Variants in CHD1L observed in about 807,000 individuals in gnomAD.
CHD1L encodes ATP-dependent chromatin remodeler CHD1L.
A neutral mutation model predicts 115.9 loss-of-function variants in CHD1L; 118 were observed. The observed-to-expected ratio is 1.02, with a 90% CI of 0.88 to 1.19. The LOEUF (loss-of-function observed/expected upper bound fraction) is 1.19. CHD1L is among the 50% of genes most tolerant of loss of function. CHD1L has a pLI of 0.00. For missense variants in CHD1L, 1,179 were observed against 1,065.3 expected (o/e 1.11, Z -1.49); for synonymous variants, 411 against 387.1 (o/e 1.06, Z -0.72).
chr1:147,241,158 T>C (rs1356718267), upstream of CHD1L, among the ~76,000 whole-genome samples: 3 of 152,210 alleles, frequency 2.0e-5, no homozygotes, highest in Non-Finnish European at 4.4e-5. Context: ...CATAGAGTGC[T>C]TGGCACATAG....
the CHD1L span, chr1:147,184,679 T>G: frequency 6.9e-7 from 1 of 1,443,734 alleles, no homozygotes; most frequent in African/African-American, 1.4e-5. This position sits in a 1 kb window ranked among gnomAD's most constrained non-coding sequence, Gnocchi z 4.4. Flanking sequence ...AAAGTGGCCT[T>G]CTCATCACTT....
chr1:147,280,788 C>T lies in CHD1L; in HGVS notation c.1705+597C>T, dbSNP rs114653427. 3.0e-3 allele frequency among the ~76,000 whole-genome samples: 455 copies of T among 152,272 alleles called. 4 individuals carry two copies. The highest frequency in any genetic ancestry group is 0.01 in the African/African-American group (434 of 41,550). ...ATTTCCGATTTGAAGTAATTTTTCA[C>T]ATGGTAGCTTTGTAAAGGTATTCCC... is the stretch of plus-strand genomic sequence containing the variant. On this transcript the variant is annotated intron_variant, in intron 15 of 22. Coordinates refer to ENST00000369258, the MANE Select transcript of CHD1L (RefSeq NM_004284.6).
chr1:147,266,054 A>G lies in CHD1L; in HGVS notation c.862A>G (p.Lys288Glu). The G allele has an allele frequency of 6.2e-7, 1 of 1,613,486 alleles. No individual in the cohort carries two copies. The highest frequency in any genetic ancestry group is 8.5e-7 in the Non-Finnish European group (1 of 1,179,676). ...CCATGGCATGTCAGCATTGCAGAAG[A>G]AATACTACAAGGCCATTTTGATGAA... is the stretch of plus-strand genomic sequence containing the variant. ...IYHGMSALQKKYYKAILMKDL... is the reference protein window; with the variant it reads ...IYHGMSALQKEYYKAILMKDL... Residue 288 changes from lysine (K) to glutamate (E), a missense_variant, in exon 8 of 23, where the codon AAA (lysine) becomes GAA (glutamate). Coordinates refer to ENST00000369258, the MANE Select transcript of CHD1L (RefSeq NM_004284.6).
intron 15 of CHD1L, among the ~76,000 whole-genome samples, chr1:147,282,967 G>T (rs587729478): frequency 5.1e-4 from 77 of 152,308 alleles, no homozygotes; most frequent in Non-Finnish European, 9.4e-4. Flanking sequence ...GTCTAGGCTT[G>T]TGATGGCAGA....
chr1:147,179,407 G>A, the CHD1L span: 5 of 1,597,918 alleles, frequency 3.1e-6, no homozygotes, highest in Non-Finnish European at 3.4e-6. Flanking sequence ...TATCGTCATA[G>A]CCAAGATGGA....
rs953399616 is a variant in CHD1L, at chr1:147,242,755, C to T, written c.52C>T (p.Leu18=). Reference sequence around the variant, plus strand: ...CGGGGGCCAAGCCCCTGGCTTCTTACTGCGGCTTCATACTGAGGGCCGAGC... The same window carrying T: ...CGGGGGCCAAGCCCCTGGCTTCTTATTGCGGCTTCATACTGAGGGCCGAGC... ...SRGGQAPGFL[L]RLHTEGRAEA... The change falls in exon 1 of 23, where the codon CTG becomes TTG. Residue 18 remains leucine, a synonymous_variant. Coordinates refer to ENST00000369258, the MANE Select transcript of CHD1L (RefSeq NM_004284.6). 43 of 1,266,414 alleles carry T rather than the reference C, an allele frequency of 3.4e-5. No individual in the cohort carries two copies. The highest frequency in any genetic ancestry group is 3.9e-5 in the Non-Finnish European group (39 of 998,848). 78.4% of individuals were successfully genotyped at this position (1,266,414 alleles called of 1,614,324 possible).
the CHD1L span, among the ~76,000 whole-genome samples, chr1:147,234,001 G>A: frequency 1.3e-5 from 2 of 152,084 alleles, no homozygotes; most frequent in Admixed American, 6.6e-5. Flanking sequence ...AGAGACCTTT[G>A]TTCACTTGTT....
At position 147,276,255 on chromosome 1, in the gene CHD1L, C is replaced by A; in HGVS notation, c.1537C>A (p.Gln513Lys). 2 of 1,614,092 alleles carry A rather than the reference C, an allele frequency of 1.2e-6. No individual in the cohort carries two copies. The highest frequency in any genetic ancestry group is 2.2e-5 in the East Asian group (1 of 44,888). The change falls in exon 14 of 23, where the codon CAG becomes AAG. Residue 513 changes from glutamine to lysine, a missense_variant and splice_region_variant. Coordinates refer to ENST00000369258, the MANE Select transcript of CHD1L (RefSeq NM_004284.6). ...GAAACCCGCTGCCGATGCTGACCTC[C>A]AGGTATGATATGATATACTGTTCTT... ...AQKPAADADLQLSEILKFGLD... is the reference protein window; with the variant it reads ...AQKPAADADLKLSEILKFGLD...
intron 11 of CHD1L, 130 bp from the exon 12 acceptor site, chr1:147,272,041 T>G (rs1553953617): frequency 1.7e-6 from 1 of 590,330 alleles, no homozygotes; most frequent in East Asian, 2.8e-5. Flanking sequence ...CTTTGGGATT[T>G]GCTTAAAGTA....
intron 1 of CHD1L, among the ~76,000 whole-genome samples, chr1:147,247,992 C>T (rs1008632533): frequency 5.3e-5 from 8 of 152,208 alleles, no homozygotes; most frequent in Non-Finnish European, 7.3e-5. Context: ...TCTTCCATCT[C>T]AAGCCCCTTA....
At chr1:147,232,689 TG>T in the CHD1L span, among the ~76,000 whole-genome samples, 5 of 152,086 alleles carry the variant, frequency 3.3e-5, 1 homozygote, top group South Asian at 1.0e-3. Context: ...TTGGTGGAGA[TG>T]GGGTTTCGCT....
rs200893499 is a variant in CHD1L, at chr1:147,280,148, C to T, written c.1662C>T (p.Ala554=). The change falls in exon 15 of 23, where the codon GCC becomes GCT. Residue 554 remains alanine, a synonymous_variant. Transcript: ENST00000369258. ...ETKDGQWVSD[A]LPAAEGGSRD... is the part of the protein sequence containing the mutation. ...AAGATGGCCAGTGGGTCTCTGATGC[C>T]TTGCCTGCAGCAGAAGGAGGGAGCA... 8.7e-6 allele frequency: 14 copies of T among 1,612,170 alleles called. No homozygotes were observed. The highest frequency in any genetic ancestry group is 1.7e-6 in the Non-Finnish European group (2 of 1,179,268).
At chr1:147,182,730 G>C in the CHD1L span, among the ~76,000 whole-genome samples, 1 of 152,150 alleles carries the variant, frequency 6.6e-6, no homozygotes, top group African/African-American at 2.4e-5. Context: ...AGGAGCTGGG[G>C]AATTTGGGAA....
intron 6 of CHD1L, 54 bp from the exon 7 acceptor site, chr1:147,264,368 A>C (rs2102544240): frequency 6.8e-7 from 1 of 1,473,686 alleles, no homozygotes; most frequent in Non-Finnish European, 9.2e-7. Context: ...TGGGTAACTC[A>C]GCCTTGCATT....
chr1:147,197,603 C>T, the CHD1L span, among the ~76,000 whole-genome samples: 8 of 152,096 alleles, frequency 5.3e-5, no homozygotes, highest in Admixed American at 4.6e-4. Flanking sequence ...ACGGGGCTTT[C>T]CCTTTCACTC....
chr1:147,222,628 G>A, the CHD1L span, among the ~76,000 whole-genome samples: 6 of 152,142 alleles, frequency 3.9e-5, no homozygotes, highest in South Asian at 2.1e-4. Flanking sequence ...GAAATATAAC[G>A]GTGAACCACA....
the CHD1L span, among the ~76,000 whole-genome samples, chr1:147,190,693 A>G: frequency 6.6e-6 from 1 of 152,082 alleles, no homozygotes; most frequent in African/African-American, 2.4e-5. Flanking sequence ...TTTTGTTTTT[A>G]TTATTATACC....
the CHD1L span, among the ~76,000 whole-genome samples, chr1:147,189,271 TA>T: frequency 0.38 from 54,760 of 142,516 alleles, 10,397 homozygotes; most frequent in African/African-American, 0.51. Flanking sequence ...AGACTCCGTC[TA>T]AAAAAAAAAA....
upstream of CHD1L, chr1:147,242,578 G>T (rs1553931473): frequency 2.0e-6 from 2 of 1,001,088 alleles, no homozygotes; most frequent in Middle Eastern, 3.6e-4. Flanking sequence ...ATCTTGGCAG[G>T]ACGCGCCCTC....
Sources: gnomAD v4.1 joint callset for allele counts (sites outside exome capture counted in the v4.1 genomes callset) on GRCh38, gnomAD v4.1.1 for gene constraint, Gnocchi (gnomAD v3.1) non-coding constraint, MANE v1.5 for transcripts, NCBI Gene and HGNC (gene_info 2026-07-23, HGNC 2026-07-21) for gene names.